The following PARP8 variants were observed in gnomAD, a reference collection of about 807,000 sequenced individuals.
PARP8 encodes protein mono-ADP-ribosyltransferase PARP8.
In PARP8, 51 loss-of-function variants were observed where a neutral mutation model predicts 124.1. That is an observed-to-expected ratio of 0.41 (90% CI 0.33 to 0.52). PARP8 has a LOEUF of 0.52. Among genes scored for constraint, PARP8 ranks in the 20% least tolerant of loss-of-function variants. The pLI is 0.21. For missense variants in PARP8, 860 were observed against 1,018.9 expected, an observed-to-expected ratio of 0.84 and a Z score of 2.12; for synonymous variants, 391 against 361.5, an observed-to-expected ratio of 1.08 and a Z score of -0.93.
intron 14 of PARP8, among the ~76,000 whole-genome samples, chr5:50,812,442 T>C (rs1213650781): frequency 1.3e-5 from 2 of 152,212 alleles, no homozygotes; most frequent in African/African-American, 4.8e-5. Flanking sequence ...TTGGGGTTGT[T>C]TGATTTTTTC....
At chr5:50,747,500 G>C (rs1758720806) in intron 2 of PARP8, among the ~76,000 whole-genome samples, 1 of 151,398 alleles carries the variant, frequency 6.6e-6, no homozygotes, top group African/African-American at 2.4e-5. Flanking sequence ...TGATTGTTGA[G>C]TTGTTCATTT....
intron 2 of PARP8, among the ~76,000 whole-genome samples, chr5:50,690,911 C>T (rs1476272158): frequency 6.6e-6 from 1 of 152,192 alleles, no homozygotes; most frequent in East Asian, 1.9e-4. Context: ...CCCTTCTCTA[C>T]ACTTCTCAAA....
In PARP8 at chr5:50,828,267, AT is replaced by A. The variant is rs751960177; in HGVS notation, c.2091-43del. 1.9e-6 allele frequency: 3 copies of A among 1,554,748 alleles called. No homozygotes were observed. The South Asian group carries it at 3.4e-5, about 17-fold the overall frequency. On this transcript the variant is annotated intron_variant, in intron 20 of 25. Coordinates refer to ENST00000281631, the MANE Select transcript of PARP8 (RefSeq NM_024615.4). ...TTATGTTTTGACCACTTTGAAGATAATTAATTTTCTGGTTTTGCTTTTTCCT... is the reference window on the plus strand; with the variant it reads ...TTATGTTTTGACCACTTTGAAGATAATAATTTTCTGGTTTTGCTTTTTCCT...
chr5:50,775,708 G>A (rs1055732429), intron 7 of PARP8, among the ~76,000 whole-genome samples: 11 of 152,030 alleles, frequency 7.2e-5, no homozygotes, highest in African/African-American at 2.4e-4. Context: ...TTCATTATTG[G>A]TGTACAGAAA....
At chr5:50,820,438 A>T (rs1218515269) in intron 15 of PARP8, among the ~76,000 whole-genome samples, 1 of 152,148 alleles carries the variant, frequency 6.6e-6, no homozygotes, top group African/African-American at 2.4e-5. Context: ...TGTTTTGGGG[A>T]CTGGCAAGGG....
At chr5:50,730,996 A>G (rs1756924523) in intron 2 of PARP8, among the ~76,000 whole-genome samples, 1 of 152,228 alleles carries the variant, frequency 6.6e-6, no homozygotes, top group Admixed American at 6.5e-5. Flanking sequence ...GAAAGATTAG[A>G]TCTTGTCACA....
Position 50,814,434 on chromosome 5 carries a change from C to T in PARP8, c.1576-998C>T, listed in dbSNP as rs796365878. Among the ~76,000 whole-genome samples, 13 of 152,204 alleles carry T rather than the reference C, an allele frequency of 8.5e-5. 1 individual carries two copies. Among genetic ancestry groups the T allele is most frequent in the African/African-American group, 3.1e-4 (13 of 41,552 alleles). ...ATGAAGAACTTTCTCTACTTTCTCT[C>T]ATGGTTCTGAAGTTTCTGAAAATGG... On this transcript the variant is annotated intron_variant, in intron 14 of 25. Transcript: ENST00000281631.
At chr5:50,722,523 G>A (rs1167190543) in intron 2 of PARP8, among the ~76,000 whole-genome samples, 1 of 151,992 alleles carries the variant, frequency 6.6e-6, no homozygotes, top group Non-Finnish European at 1.5e-5. Flanking sequence ...AATATGATGT[G>A]TACAAGAAGT....
intron 9 of PARP8, among the ~76,000 whole-genome samples, chr5:50,784,457 G>A (rs1741015910): frequency 6.6e-6 from 1 of 152,090 alleles, no homozygotes; most frequent in Non-Finnish European, 1.5e-5. Context: ...GGACAAAGCT[G>A]TTTCTAGTTG....
chr5:50,789,863 A>G (rs191454519), intron 10 of PARP8, among the ~76,000 whole-genome samples: 3 of 152,284 alleles, frequency 2.0e-5, no homozygotes, highest in African/African-American at 7.2e-5. Flanking sequence ...ATGAATTTAA[A>G]TTTGGCATCA....
At chr5:50,779,560 G>A (rs532661239) in intron 9 of PARP8, among the ~76,000 whole-genome samples, 1 of 152,280 alleles carries the variant, frequency 6.6e-6, no homozygotes, top group African/African-American at 2.4e-5. Flanking sequence ...CATGGTGACT[G>A]GGATGCAAAT....
intron 14 of PARP8, among the ~76,000 whole-genome samples, chr5:50,813,138 T>C (rs1331357580): frequency 6.6e-6 from 1 of 152,208 alleles, no homozygotes; most frequent in Non-Finnish European, 1.5e-5. Context: ...AGAAAGTCAT[T>C]GGTAGCTTCA....
At chr5:50,732,780 G>A (rs1269928042) in intron 2 of PARP8, among the ~76,000 whole-genome samples, 2 of 151,622 alleles carry the variant, frequency 1.3e-5, no homozygotes, top group East Asian at 2.0e-4. Context: ...CACCACGCTC[G>A]GCTAATTTTT....
At chr5:50,818,856 A>G (rs1272458887) in intron 15 of PARP8, among the ~76,000 whole-genome samples, 1 of 152,214 alleles carries the variant, frequency 6.6e-6, no homozygotes, top group Non-Finnish European at 1.5e-5. Flanking sequence ...GCATTTTGTC[A>G]TTCACACACT....
intron 15 of PARP8, among the ~76,000 whole-genome samples, chr5:50,820,012 A>G (rs1745581161): frequency 6.6e-6 from 1 of 152,208 alleles, no homozygotes; most frequent in Non-Finnish European, 1.5e-5. Context: ...TGTCAGGAAC[A>G]TTAGATGTTT....
chr5:50,690,257 G>A (rs891273457), intron 2 of PARP8, among the ~76,000 whole-genome samples: 2 of 152,124 alleles, frequency 1.3e-5, no homozygotes, highest in Non-Finnish European at 2.9e-5. Flanking sequence ...AAAGGTTAAG[G>A]GATTCCTACT....
intron 2 of PARP8, among the ~76,000 whole-genome samples, chr5:50,719,881 A>T (rs1336020539): frequency 2.6e-5 from 4 of 152,120 alleles, no homozygotes; most frequent in Non-Finnish European, 4.4e-5. Flanking sequence ...GATTTTCATT[A>T]TGAAAAGTCA....
intron 2 of PARP8, among the ~76,000 whole-genome samples, chr5:50,689,759 C>A (rs977093993): frequency 4.6e-5 from 7 of 152,176 alleles, no homozygotes; most frequent in Non-Finnish European, 8.8e-5. Context: ...TTGTCTTCCT[C>A]CTCAGTTGGT....
chr5:50,754,962 G>T (rs1408943418), intron 3 of PARP8, among the ~76,000 whole-genome samples: 4 of 152,048 alleles, frequency 2.6e-5, no homozygotes, highest in African/African-American at 9.7e-5. Flanking sequence ...TCATGTGTCT[G>T]TTGGCTGCAT....
Sources: gnomAD v4.1 joint callset for allele counts (sites outside exome capture counted in the v4.1 genomes callset) on GRCh38, gnomAD v4.1.1 for gene constraint, MANE v1.5 for transcripts, NCBI Gene and HGNC (gene_info 2026-07-23, HGNC 2026-07-21) for gene names.